CLASP2: variants seen among roughly 807,000 people sequenced by gnomAD.
CLASP2 encodes CLIP-associating protein 2.
CLASP2 carries 47 observed loss-of-function variants against 194.4 expected under a neutral mutation model. The ratio of observed to expected loss-of-function variants is 0.24; its 90% CI spans 0.19 to 0.31. The LOEUF (loss-of-function observed/expected upper bound fraction) is 0.31. Ranked by LOEUF, CLASP2 falls within the 10% of genes least tolerant of loss-of-function variation. The pLI, the probability that CLASP2 is intolerant of heterozygous loss-of-function variation, is 1.00. For synonymous variants in CLASP2, 619 were observed against 633.5 expected (o/e 0.98, Z 0.34); for missense variants, 1,445 against 1,823.6 (o/e 0.79, Z 3.78).
At chr3:33,602,232 A>G (rs1019683819) in intron 18 of CLASP2, among the ~76,000 whole-genome samples, 1 of 152,078 alleles carries the variant, frequency 6.6e-6, no homozygotes, top group Non-Finnish European at 1.5e-5. Context: ...CAGGCTGGTC[A>G]CGAACTCCTG....
intron 12 of CLASP2, among the ~76,000 whole-genome samples, chr3:33,613,124 T>G (rs1416388794): frequency 6.6e-6 from 1 of 152,208 alleles, no homozygotes; most frequent in Non-Finnish European, 1.5e-5. Context: ...CATTAAAATA[T>G]CACATGTACC....
At chr3:33,687,214 C>T (rs2154346469) in intron 4 of CLASP2, 79 bp from the exon 5 acceptor site, 1 of 859,986 alleles carries the variant, frequency 1.2e-6, no homozygotes, top group Admixed American at 2.6e-5. Context: ...ACCTTCTTGT[C>T]TGTAGCAATA....
intron 18 of CLASP2, among the ~76,000 whole-genome samples, chr3:33,597,604 T>C (rs1222453219): frequency 2.6e-5 from 4 of 152,054 alleles, no homozygotes; most frequent in Non-Finnish European, 5.9e-5. Flanking sequence ...TGGCTGGTTG[T>C]GCAAGCAGAG....
chr3:33,625,085 T>C (rs770426202), intron 10 of CLASP2, among the ~76,000 whole-genome samples: 1 of 151,582 alleles, frequency 6.6e-6, no homozygotes, highest in Non-Finnish European at 1.5e-5. Flanking sequence ...GCACCATTGT[T>C]ACAAAAGTGT....
chr3:33,551,732 C>T (rs918160603), intron 29 of CLASP2, among the ~76,000 whole-genome samples: 2 of 152,112 alleles, frequency 1.3e-5, no homozygotes, highest in Non-Finnish European at 2.9e-5. Flanking sequence ...GTTTCATTCC[C>T]CAAGTTTGAA....
chr3:33,692,939 C>G (rs1214760941), intron 2 of CLASP2, among the ~76,000 whole-genome samples: 1 of 151,856 alleles, frequency 6.6e-6, no homozygotes, highest in Non-Finnish European at 1.5e-5. Flanking sequence ...AAAGTGATAA[C>G]CGGGTAGCCT....
chr3:33,675,272 G>C (rs1559605790), intron 6 of CLASP2, among the ~76,000 whole-genome samples: 1 of 152,024 alleles, frequency 6.6e-6, no homozygotes, highest in Non-Finnish European at 1.5e-5. Context: ...GGGATGCAAG[G>C]CTGGTTCAAT....
At chr3:33,545,861 GA>G (rs1367118161) in intron 30 of CLASP2, among the ~76,000 whole-genome samples, 1 of 150,374 alleles carries the variant, frequency 6.7e-6, no homozygotes, top group Non-Finnish European at 1.5e-5. Context: ...AGTGAGCAGA[GA>G]TCATGCCACT....
At chr3:33,524,197 T>C (rs921911074) in intron 34 of CLASP2, among the ~76,000 whole-genome samples, 13 of 152,086 alleles carry the variant, frequency 8.5e-5, no homozygotes, top group African/African-American at 2.4e-4. Context: ...CTTTTGCAAA[T>C]AGTAATTACT....
intron 31 of CLASP2, 122 bp downstream of exon 31, chr3:33,544,576 C>T: frequency 1.2e-6 from 1 of 846,926 alleles, no homozygotes; most frequent in Non-Finnish European, 1.8e-6. Flanking sequence ...TCAGGAAATG[C>T]TGCCAAATAA....
intron 1 of CLASP2, among the ~76,000 whole-genome samples, chr3:33,709,820 A>G (rs2092913978): frequency 6.6e-6 from 1 of 152,258 alleles, no homozygotes; most frequent in South Asian, 2.1e-4. Context: ...ATGAATCACA[A>G]CATGTGGCTG....
At chr3:33,706,794 T>G (rs2092706011) in intron 1 of CLASP2, among the ~76,000 whole-genome samples, 1 of 151,898 alleles carries the variant, frequency 6.6e-6, no homozygotes, top group African/African-American at 2.4e-5. Flanking sequence ...AGACCCTATC[T>G]CTAGAAAAAA....
intron 12 of CLASP2, among the ~76,000 whole-genome samples, chr3:33,613,778 TACA>T (rs1050221457): frequency 3.9e-5 from 6 of 152,310 alleles, no homozygotes; most frequent in Admixed American, 2.0e-4. Flanking sequence ...ATCCCCTAGC[TACA>T]ACAACTATAA....
intron 1 of CLASP2, among the ~76,000 whole-genome samples, chr3:33,702,638 A>C (rs2092449381): frequency 6.6e-6 from 1 of 152,212 alleles, no homozygotes; most frequent in African/African-American, 2.4e-5. Flanking sequence ...CTTCAAAAAA[A>C]CACGATGAAG....
intron 34 of CLASP2, among the ~76,000 whole-genome samples, chr3:33,521,079 G>T (rs114940338): frequency 2.0e-5 from 3 of 152,038 alleles, no homozygotes; most frequent in Non-Finnish European, 4.4e-5. Context: ...AACAAAAGCC[G>T]GCTTGAATGG....
intron 34 of CLASP2, among the ~76,000 whole-genome samples, chr3:33,526,310 A>G (rs746301178): frequency 7.9e-5 from 12 of 152,302 alleles, no homozygotes; most frequent in Admixed American, 1.3e-4. Flanking sequence ...AATGTAAAAC[A>G]AAAAATCAGA....
chr3:33,520,921 G>A (rs1204112464), intron 34 of CLASP2, among the ~76,000 whole-genome samples: 1 of 151,410 alleles, frequency 6.6e-6, no homozygotes, highest in African/African-American at 2.4e-5. Flanking sequence ...CTAACAGTGA[G>A]TACATCTAGA....
chr3:33,548,267 A>G, intron 30 of CLASP2, among the ~76,000 whole-genome samples: 1 of 152,240 alleles, frequency 6.6e-6, no homozygotes, highest in Middle Eastern at 3.4e-3. Flanking sequence ...TTTTTAAAAA[A>G]AGTTTTAGAA....
chr3:33,657,380 C>G (rs1236861765), intron 7 of CLASP2, among the ~76,000 whole-genome samples: 1 of 151,538 alleles, frequency 6.6e-6, no homozygotes, highest in African/African-American at 2.4e-5. Context: ...GAAATGTTAC[C>G]CTCTGATCTT....
Sources: gnomAD v4.1 joint callset for allele counts (sites outside exome capture counted in the v4.1 genomes callset) on GRCh38, gnomAD v4.1.1 for gene constraint, MANE v1.5 for transcripts, NCBI Gene and HGNC (gene_info 2026-07-23, HGNC 2026-07-21) for gene names.